The following CYP2C19 variants were observed in gnomAD, a reference collection of about 807,000 sequenced individuals.
CYP2C19 encodes the protein cytochrome P450 family 2 subfamily C member 19.
Under a neutral mutation model 40.9 loss-of-function variants are expected in CYP2C19, and 59 were observed. The ratio of observed to expected loss-of-function variants is 1.44; its 90% CI spans 1.17 to 1.79. CYP2C19 has a LOEUF of 1.79. Ranked by LOEUF, CYP2C19 falls within the 40% of genes most tolerant of loss-of-function variation. The probability of loss-of-function intolerance (pLI) is 0.00; values close to 1 mark genes in which losing one functional copy is unlikely to be tolerated. For synonymous variants in CYP2C19, 253 were observed against 208.7 expected, an observed-to-expected ratio of 1.21 and a Z score of -1.83; for missense variants, 754 against 596.9, an observed-to-expected ratio of 1.26 and a Z score of -2.74.
At position 94,820,653 on chromosome 10, in the gene CYP2C19, A is replaced by T. The variant is rs539248491; in HGVS notation, c.961+16A>T. 6.8e-6 allele frequency: 11 copies of T among 1,613,990 alleles called. 1 individual carries two copies. The highest frequency in any genetic ancestry group is 2.2e-5 in the South Asian group (2 of 91,080). ...GAGGTCACAGGTATGATCACAGAGG[A>T]TGAGTTAATTGAGTTTTAGGAAAGA... On this transcript the variant is annotated intron_variant, in intron 6 of 8. Coordinates refer to ENST00000371321, the MANE Select transcript of CYP2C19 (RefSeq NM_000769.4).
chr10:94,788,642 T>A (rs933295635), intron 5 of CYP2C19, among the ~76,000 whole-genome samples: 1 of 152,180 alleles, frequency 6.6e-6, no homozygotes, highest in African/African-American at 2.4e-5. Context: ...AATGATGGTT[T>A]CCAGCTACAT....
In CYP2C19 at chr10:94,772,901, C is replaced by T. The variant is rs1589818264; in HGVS notation, c.169-2157C>T. On this transcript the variant is annotated intron_variant, in intron 1 of 8. Transcript: ENST00000371321. ...GGTTCATGCCATTCTCCTGCCTCAG[C>T]CTCCCGAGTAGCTGGGACTACAGGC... Among the ~76,000 whole-genome samples the T allele has an allele frequency of 3.3e-5, 5 of 152,292 alleles. No individual in the cohort carries two copies. The South Asian group carries it at 8.3e-4, about 25-fold the overall frequency.
At chr10:94,766,813 G>T (rs148901809) in intron 1 of CYP2C19, among the ~76,000 whole-genome samples, 11 of 152,000 alleles carry the variant, frequency 7.2e-5, no homozygotes, top group Middle Eastern at 3.2e-3. Flanking sequence ...TTTAACTCAG[G>T]TGTGGCGAAT....
chr10:94,806,266 G>A (rs571148273), intron 5 of CYP2C19, among the ~76,000 whole-genome samples: 5 of 152,170 alleles, frequency 3.3e-5, no homozygotes, highest in East Asian at 1.9e-4. Context: ...ATAATATTCC[G>A]TTGTATGTAT....
At chr10:94,793,957 G>A (rs188523981) in intron 5 of CYP2C19, among the ~76,000 whole-genome samples, 1 of 152,108 alleles carries the variant, frequency 6.6e-6, no homozygotes. Flanking sequence ...TGCCCCCAAA[G>A]GTGTAGTCTA....
At chr10:94,785,043 G>C (rs1848524166) in intron 5 of CYP2C19, among the ~76,000 whole-genome samples, 1 of 151,886 alleles carries the variant, frequency 6.6e-6, no homozygotes, top group South Asian at 2.1e-4. Context: ...TAAGCTATTA[G>C]AATTGTTTAT....
chr10:94,777,107 C>G (rs1035118776), intron 3 of CYP2C19, among the ~76,000 whole-genome samples: 1 of 152,034 alleles, frequency 6.6e-6, no homozygotes, highest in Non-Finnish European at 1.5e-5. Context: ...ATGTGAAAGA[C>G]CTCTTCAAGG....
chr10:94,810,211 C>G (rs990228721), intron 5 of CYP2C19, among the ~76,000 whole-genome samples: 1 of 152,184 alleles, frequency 6.6e-6, no homozygotes, highest in Admixed American at 6.5e-5. Flanking sequence ...GTTGAACGAG[C>G]CTTGCATCCC....
rs1849681885 is a variant in CYP2C19 at position 94,853,225 on chromosome 10, T to C, written c.*311T>C. On this transcript the variant is annotated 3_prime_UTR_variant, in exon 9 of 9. Coordinates refer to ENST00000371321, the MANE Select transcript of CYP2C19 (RefSeq NM_000769.4). Reference sequence around the variant, plus strand: ...TTATAATTCAAAGGCATTTCTTCTCTGCATGTTCTAAACAAAAAGCATTAT... The same window carrying C: ...TTATAATTCAAAGGCATTTCTTCTCCGCATGTTCTAAACAAAAAGCATTAT... 2 of 389,918 alleles carry C rather than the reference T, an allele frequency of 5.1e-6. No individual in the cohort carries two copies. Among genetic ancestry groups the C allele is most frequent in the Non-Finnish European group, 9.2e-6 (2 of 217,080 alleles). The allele number at this position is 389,918 out of a possible 1,614,324, so 24.2% of individuals were successfully genotyped here.
At chr10:94,805,937 C>T (rs561700677) in intron 5 of CYP2C19, among the ~76,000 whole-genome samples, 2 of 152,218 alleles carry the variant, frequency 1.3e-5, no homozygotes, top group South Asian at 2.1e-4. Context: ...TCACTTGCTC[C>T]GAAATTTATC....
rs1849631494 is a variant in CYP2C19 at position 94,850,165 on chromosome 10, A to G, written c.1291+107A>G. On this transcript the variant is annotated intron_variant, in intron 8 of 8. Coordinates refer to ENST00000371321, the MANE Select transcript of CYP2C19 (RefSeq NM_000769.4). Reference sequence around the variant, plus strand: ...GCAGTGGTACAGTTACTCTTTGTACATGATCAAGAGCACTGTTCTGAATGC... The same window carrying G: ...GCAGTGGTACAGTTACTCTTTGTACGTGATCAAGAGCACTGTTCTGAATGC... 7 of 1,312,828 alleles carry G rather than the reference A, an allele frequency of 5.3e-6. No homozygotes were observed. The Admixed American group carries it at 1.2e-4, about 23-fold the overall frequency. The allele number at this position is 1,312,828 out of a possible 1,614,324, so 81.3% of individuals were successfully genotyped here.
At chr10:94,771,330 CG>C (rs1242270489) in intron 1 of CYP2C19, among the ~76,000 whole-genome samples, 3 of 152,032 alleles carry the variant, frequency 2.0e-5, no homozygotes, top group African/African-American at 4.8e-5. Context: ...GGCTAGGATA[CG>C]GGGGTAAGCT....
At chr10:94,767,482 C>A (rs1360020167) in intron 1 of CYP2C19, among the ~76,000 whole-genome samples, 17 of 152,192 alleles carry the variant, frequency 1.1e-4, no homozygotes, top group Admixed American at 3.3e-4. Flanking sequence ...GGTATCAACA[C>A]AGACCAACAA....
chr10:94,766,023 G>A (rs1033760411), intron 1 of CYP2C19, among the ~76,000 whole-genome samples: 1 of 152,108 alleles, frequency 6.6e-6, no homozygotes. Context: ...TGGATTGCAC[G>A]TCCTGTTAGG....
chr10:94,840,116 C>T (rs1239169381), intron 6 of CYP2C19, among the ~76,000 whole-genome samples: 5 of 151,988 alleles, frequency 3.3e-5, no homozygotes, highest in Admixed American at 6.6e-5. Flanking sequence ...TTGGCCCATC[C>T]GCGGGTTACT....
At chr10:94,832,999 G>T (rs1345938485) in intron 6 of CYP2C19, among the ~76,000 whole-genome samples, 1 of 151,826 alleles carries the variant, frequency 6.6e-6, no homozygotes, top group Non-Finnish European at 1.5e-5. Flanking sequence ...TTAATTCCTA[G>T]GTATTTTATT....
At position 94,841,924 on chromosome 10, in the gene CYP2C19, C is replaced by A. The variant is rs77819997; in HGVS notation, c.962-913C>A. 7.8e-3 allele frequency among the ~76,000 whole-genome samples: 1,187 copies of A among 152,258 alleles called. 19 individuals carry two copies. Among genetic ancestry groups the A allele is most frequent in the African/African-American group, 0.027 (1,141 of 41,548 alleles). On this transcript the variant is annotated intron_variant, in intron 6 of 8. Coordinates refer to ENST00000371321, the MANE Select transcript of CYP2C19 (RefSeq NM_000769.4). ...TCTGTGACCTAATATCTGGTCAATT[C>A]TTGATAACAATCCATGTGCTGTGGA...
At chr10:94,768,693 C>G (rs1848283070) in intron 1 of CYP2C19, among the ~76,000 whole-genome samples, 1 of 152,148 alleles carries the variant, frequency 6.6e-6, no homozygotes, top group Admixed American at 6.5e-5. Flanking sequence ...TACCCATAAA[C>G]AGTGAGGCCA....
intron 1 of CYP2C19, among the ~76,000 whole-genome samples, chr10:94,768,256 C>T (rs1848275569): frequency 6.6e-6 from 1 of 152,190 alleles, no homozygotes; most frequent in Non-Finnish European, 1.5e-5. Flanking sequence ...GCACTGGTCC[C>T]TGTGGGAAGA....
Sources: allele counts gnomAD v4.1 joint callset (sites outside exome capture counted in the v4.1 genomes callset), GRCh38; gene constraint gnomAD v4.1.1; transcripts MANE v1.5; gene names NCBI Gene and HGNC (gene_info 2026-07-23, HGNC 2026-07-21).